PCOLCE2: variants seen among roughly 807,000 people sequenced by gnomAD.
PCOLCE2 encodes procollagen C-endopeptidase enhancer 2, also known as procollagen C-proteinase enhancer 2.
In PCOLCE2, 42 loss-of-function variants were observed where a neutral mutation model predicts 47.0. The observed-to-expected ratio is 0.89, with a 90% CI of 0.70 to 1.16. The LOEUF (loss-of-function observed/expected upper bound fraction) is 1.16. Among genes scored for constraint, PCOLCE2 ranks in the 50% most tolerant of loss-of-function variants. PCOLCE2 has a pLI of 0.00. For missense variants in PCOLCE2, 500 were observed against 526.1 expected, an observed-to-expected ratio of 0.95 and a Z score of 0.49; for synonymous variants, 169 against 191.7, an observed-to-expected ratio of 0.88 and a Z score of 0.98.
chr3:142,832,452 A>G (rs980555708), intron 5 of PCOLCE2, among the ~76,000 whole-genome samples: 1 of 152,140 alleles, frequency 6.6e-6, no homozygotes, highest in African/African-American at 2.4e-5. Flanking sequence ...TCTCCCGCGT[A>G]TCTTTATTAA....
intron 5 of PCOLCE2, among the ~76,000 whole-genome samples, chr3:142,830,992 A>T (rs1019188193): frequency 2.6e-5 from 4 of 152,196 alleles, no homozygotes; most frequent in African/African-American, 9.7e-5. Flanking sequence ...TACCTGACCC[A>T]ACCAGTTAGA....
At chr3:142,868,187 T>G (rs1267195894) in intron 2 of PCOLCE2, among the ~76,000 whole-genome samples, 1 of 152,188 alleles carries the variant, frequency 6.6e-6, no homozygotes, top group Non-Finnish European at 1.5e-5. Flanking sequence ...TAACTGTGGC[T>G]TCTGCTCTCA....
intron 4 of PCOLCE2, among the ~76,000 whole-genome samples, chr3:142,841,657 C>G (rs1937265088): frequency 6.6e-6 from 1 of 152,070 alleles, no homozygotes; most frequent in African/African-American, 2.4e-5. Context: ...GAATTATGAT[C>G]ACTGTTTATG....
intron 2 of PCOLCE2, among the ~76,000 whole-genome samples, chr3:142,883,824 C>T (rs6794287): frequency 0.26 from 38,812 of 151,932 alleles, 5,879 homozygotes; most frequent in Non-Finnish European, 0.34. Flanking sequence ...GATGATTTGC[C>T]GAGTTTGCAA....
At chr3:142,883,250 T>C (rs1012238895) in intron 2 of PCOLCE2, among the ~76,000 whole-genome samples, 3 of 149,908 alleles carry the variant, frequency 2.0e-5, no homozygotes, top group Non-Finnish European at 4.4e-5. Context: ...AATTCCTATA[T>C]ACCTGTTCAA....
chr3:142,862,832 A>C (rs1428191729), intron 2 of PCOLCE2, among the ~76,000 whole-genome samples: 1 of 152,154 alleles, frequency 6.6e-6, no homozygotes, highest in Non-Finnish European at 1.5e-5. Flanking sequence ...TCATTTATAC[A>C]AGAAATCTCA....
chr3:142,832,222 C>A (rs1937158920), intron 5 of PCOLCE2, among the ~76,000 whole-genome samples: 1 of 152,170 alleles, frequency 6.6e-6, no homozygotes, highest in South Asian at 2.1e-4. Flanking sequence ...CCCTTCTCCA[C>A]CTCCTCGACT....
rs1937125562 is a variant in PCOLCE2, at chr3:142,829,830, T to C, written c.727A>G (p.Arg243Gly). 1 of 1,585,742 alleles carries C rather than the reference T, an allele frequency of 6.3e-7. No homozygotes were observed. Among genetic ancestry groups the C allele is most frequent in the Admixed American group, 1.7e-5 (1 of 57,702 alleles). Reference sequence around the variant, plus strand: ...AAAAACTGAATAAGAAGTTCATTTCTCTCAGACACAATTGGCCTAAAAAAA... The same window carrying C: ...AAAAACTGAATAAGAAGTTCATTTCCCTCAGACACAATTGGCCTAAAAAAA... ...DSPPAPIVSE[R>G]NELLIQFLSD... Residue 243 changes from arginine (R) to glycine (G), a missense_variant, in exon 6 of 9, where the codon AGA becomes GGA. Physicochemically the swap from Arg to Gly is moderately radical, Grantham distance 125. Coordinates refer to ENST00000295992, the MANE Select transcript of PCOLCE2 (RefSeq NM_013363.4).
At chr3:142,881,748 T>C (rs1358460290) in intron 2 of PCOLCE2, among the ~76,000 whole-genome samples, 2 of 152,198 alleles carry the variant, frequency 1.3e-5, no homozygotes, top group Non-Finnish European at 1.5e-5. Context: ...GTGGTAGTCA[T>C]TGACTGAAAT....
intron 2 of PCOLCE2, among the ~76,000 whole-genome samples, chr3:142,853,664 ACT>A (rs1933001904): frequency 6.6e-6 from 1 of 151,982 alleles, no homozygotes; most frequent in African/African-American, 2.4e-5. Flanking sequence ...CCAAAAGGCC[ACT>A]CTCTTTTCTA....
At chr3:142,850,575 T>A (rs575340262) in intron 2 of PCOLCE2, among the ~76,000 whole-genome samples, 3 of 152,222 alleles carry the variant, frequency 2.0e-5, no homozygotes, top group East Asian at 1.9e-4. Context: ...CAAGGAGGAA[T>A]GAATGGGCAA....
intron 2 of PCOLCE2, among the ~76,000 whole-genome samples, chr3:142,862,085 C>T (rs375076113): frequency 3.3e-5 from 5 of 152,128 alleles, no homozygotes; most frequent in South Asian, 4.1e-4. Context: ...GCCCAGAACC[C>T]CTGTGGTTCC....
intron 5 of PCOLCE2, among the ~76,000 whole-genome samples, chr3:142,837,172 A>G (rs1419030927): frequency 2.0e-5 from 3 of 152,264 alleles, no homozygotes; most frequent in Non-Finnish European, 4.4e-5. Context: ...CTCTAGAAGC[A>G]GGAAAAGCCA....
At chr3:142,872,944 A>G (rs1180968962) in intron 2 of PCOLCE2, among the ~76,000 whole-genome samples, 1 of 152,270 alleles carries the variant, frequency 6.6e-6, no homozygotes, top group African/African-American at 2.4e-5. Flanking sequence ...GGAAAGAAAT[A>G]CTGAAAACTT....
rs557114230 is a variant in PCOLCE2, at chr3:142,826,802, C to T, written c.865+2890G>A. On this transcript the variant is annotated intron_variant, in intron 6 of 8. Coordinates refer to ENST00000295992, the MANE Select transcript of PCOLCE2 (RefSeq NM_013363.4). ...CCTCCCTTATTGGAAGTCTCATCAACGCTTGACTCACTTACCACTCCCTTT... is the reference window on the plus strand; with the variant it reads ...CCTCCCTTATTGGAAGTCTCATCAATGCTTGACTCACTTACCACTCCCTTT... Among the ~76,000 whole-genome samples the T allele has an allele frequency of 8.9e-4, 135 of 152,272 alleles. 2 individuals carry two copies. In the South Asian group the frequency reaches 0.027, roughly 31 times the overall value.
In PCOLCE2 at chr3:142,820,984, C is replaced by T. The variant is rs747017641; in HGVS notation, c.1011G>A (p.Ser337=). 11 of 1,613,768 alleles carry T rather than the reference C, an allele frequency of 6.8e-6. No homozygotes were observed. In the African/African-American group the frequency reaches 9.3e-5, roughly 14 times the overall value. Residue 337 remains serine (S), a synonymous_variant, in exon 8 of 9, where the codon TCG becomes TCA. Transcript: ENST00000295992. ...TRDGSLHATV[S]IINIYKEGNL... The stretch of plus-strand genomic sequence containing the variant: ...TTCCCTCTTTGTAGATGTTGATGAT[C>T]GAGACTGTGGCGTGCAAACTCCCAT...
At chr3:142,838,966 T>C (rs566705295) in intron 4 of PCOLCE2, 60 bp from the exon 5 acceptor site, 10 of 1,343,772 alleles carry the variant, frequency 7.4e-6, no homozygotes, top group South Asian at 4.0e-5. Flanking sequence ...TAACCTCAAA[T>C]GGAATTCTTC....
At chr3:142,883,110 G>A (rs1203485605) in intron 2 of PCOLCE2, among the ~76,000 whole-genome samples, 9 of 142,296 alleles carry the variant, frequency 6.3e-5, no homozygotes, top group Admixed American at 2.3e-4. Context: ...TGAGGCAGGA[G>A]AATGGCATGA....
intron 2 of PCOLCE2, among the ~76,000 whole-genome samples, chr3:142,876,084 T>A (rs1188901367): frequency 6.6e-6 from 1 of 152,188 alleles, no homozygotes. Flanking sequence ...ACTCTTTGCA[T>A]CATCTAGGTT....
Sources: allele counts gnomAD v4.1 joint callset (sites outside exome capture counted in the v4.1 genomes callset), GRCh38; gene constraint gnomAD v4.1.1; transcripts MANE v1.5; gene names NCBI Gene and HGNC (gene_info 2026-07-23, HGNC 2026-07-21).